LTF: variants seen among roughly 807,000 people sequenced by gnomAD.
The protein encoded by LTF is lactotransferrin, also known as epididymis luminal protein 110.
LTF carries 91 observed loss-of-function variants against 87.2 expected under a neutral mutation model. The observed-to-expected ratio is 1.04, with a 90% confidence interval of 0.88 to 1.24. The LOEUF is 1.24. Ranked by LOEUF, LTF falls within the 50% of genes most tolerant of loss-of-function variation. The pLI is 0.00. For missense variants in LTF, 901 were observed against 904.3 expected (o/e 1.00, Z 0.05); for synonymous variants, 378 against 356.1 (o/e 1.06, Z -0.69).
intron 1 of LTF, among the ~76,000 whole-genome samples, chr3:46,474,015 T>G (rs1197900884): frequency 6.6e-6 from 1 of 152,098 alleles, no homozygotes; most frequent in Non-Finnish European, 1.5e-5. Flanking sequence ...TAAAAAATGT[T>G]TAAGTAACCC....
intron 6 of LTF, among the ~76,000 whole-genome samples, chr3:46,453,336 T>G (rs959920339): frequency 6.6e-6 from 1 of 152,140 alleles, no homozygotes; most frequent in Admixed American, 6.5e-5. Flanking sequence ...CTAACTGAAG[T>G]TGTGGGGAAA....
intron 9 of LTF, 105 bp downstream of exon 9, chr3:46,448,758 C>G (rs996110132): frequency 7.2e-7 from 1 of 1,385,014 alleles, no homozygotes; most frequent in African/African-American, 1.5e-5. Flanking sequence ...CTGCCTCACC[C>G]AGGCCCCCGT....
In LTF at chr3:46,458,054, G is replaced by A. The variant is rs185250935; in HGVS notation, c.207+1602C>T. Reference sequence around the variant, plus strand: ...CTGCCTTGACCTCCCAAAGTGCTGGGATTACAGATGTGAGCCACCACGCCC... The same window carrying A: ...CTGCCTTGACCTCCCAAAGTGCTGGAATTACAGATGTGAGCCACCACGCCC... On this transcript the variant is annotated intron_variant, in intron 2 of 16. Coordinates refer to ENST00000231751, the MANE Select transcript of LTF (RefSeq NM_002343.6). Among the ~76,000 whole-genome samples, 675 of 152,222 alleles carry A rather than the reference G, an allele frequency of 4.4e-3. 2 individuals are homozygous for A. The highest frequency in any genetic ancestry group is 7.6e-3 in the Non-Finnish European group (520 of 67,998).
chr3:46,464,878 T>C lies in LTF; in HGVS notation c.-11A>G. ...GAAGACAAGTTTCATGTCTGCGGTCTGGAGGCGACTTGGCAAACGAAGGCT... is the reference window on the plus strand; with the variant it reads ...GAAGACAAGTTTCATGTCTGCGGTCCGGAGGCGACTTGGCAAACGAAGGCT... On this transcript the variant is annotated 5_prime_UTR_variant, in exon 1 of 17. Transcript: ENST00000231751. The C allele has an allele frequency of 6.2e-7, 1 of 1,613,968 alleles. No individual in the cohort carries two copies. Among genetic ancestry groups the C allele is most frequent in the African/African-American group, 1.3e-5 (1 of 75,040 alleles).
At chr3:46,475,563 CA>C (rs1703350628) in intron 1 of LTF, among the ~76,000 whole-genome samples, 6 of 150,420 alleles carry the variant, frequency 4.0e-5, no homozygotes, top group African/African-American at 7.4e-5. Context: ...CACACACACA[CA>C]CACCCTCTCT....
At chr3:46,450,385 C>G in intron 7 of LTF, 110 bp downstream of exon 7, 8 of 1,186,180 alleles carry the variant, frequency 6.7e-6, no homozygotes, top group Non-Finnish European at 9.7e-6. Context: ...AGTGTGCTAT[C>G]CTGCAGCAAA....
Position 46,449,909 on chromosome 3 carries a change from A to G in LTF, c.1002T>C (p.Asp334=). The change falls in exon 8 of 17, where the codon GAT becomes GAC. Residue 334 remains aspartate (D), a synonymous_variant. Coordinates refer to ENST00000231751, the MANE Select transcript of LTF (RefSeq NM_002343.6). The part of the protein sequence containing the change: ...IGFSRVPPRI[D]SGLYLGSGYF... ...AGCCGGAGCCAAGGTACAGCCCAGA[A>G]TCTATCCTCGGGGGCACCCTCGAAA... The G allele has an allele frequency of 6.2e-7, 1 of 1,614,164 alleles. No homozygotes were observed. The highest frequency in any genetic ancestry group is 8.5e-7 in the Non-Finnish European group (1 of 1,180,014).
chr3:46,476,065 T>C (rs1237332098), intron 1 of LTF, among the ~76,000 whole-genome samples: 1 of 152,236 alleles, frequency 6.6e-6, no homozygotes, highest in Admixed American at 6.5e-5. Flanking sequence ...AAATACAATC[T>C]ATTTTTGTAT....
intron 8 of LTF, 81 bp from the exon 9 acceptor site, chr3:46,449,098 C>T (rs1702734320): frequency 1.5e-6 from 2 of 1,333,882 alleles, no homozygotes; most frequent in Non-Finnish European, 1.0e-6. Flanking sequence ...AGGGTCCTGC[C>T]CAGACTCTCC....
intron 14 of LTF, among the ~76,000 whole-genome samples, chr3:46,440,628 A>G (rs1451530118): frequency 5.9e-5 from 9 of 152,194 alleles, no homozygotes; most frequent in Admixed American, 5.2e-4. Flanking sequence ...ATAATTTCAA[A>G]TTTACATGTC....
chr3:46,446,299 GCACC>G, intron 11 of LTF, 137 bp downstream of exon 11: 1 of 180,304 alleles, frequency 5.5e-6, no homozygotes. Flanking sequence ...TGAATTATTT[GCACC>G]CTTAAAATTA....
intron 1 of LTF, among the ~76,000 whole-genome samples, chr3:46,483,907 G>T (rs1703483656): frequency 1.3e-5 from 2 of 152,096 alleles, no homozygotes; most frequent in Non-Finnish European, 2.9e-5. Flanking sequence ...CTCCCAGAGT[G>T]CTGGGACTAT....
chr3:46,446,510 A>G lies in LTF; in HGVS notation c.1304-17T>C, dbSNP rs1206904698. ...GTTGGGATTCTGAAAGAATAAAGAC[A>G]AGCCAGACATCATTATCCATTCAGA... On this transcript the variant is annotated splice_polypyrimidine_tract_variant and intron_variant, in intron 10 of 16. Transcript: ENST00000231751. The G allele has an allele frequency of 1.2e-6, 2 of 1,611,262 alleles. No individual in the cohort carries two copies. Among genetic ancestry groups the G allele is most frequent in the African/African-American group, 2.7e-5 (2 of 74,870 alleles).
At chr3:46,449,107 C>T in intron 8 of LTF, 90 bp from the exon 9 acceptor site, 1 of 1,253,304 alleles carries the variant, frequency 8.0e-7, no homozygotes, top group Non-Finnish European at 1.1e-6. Flanking sequence ...CCCAGACTCT[C>T]CCTGGAACAG....
At chr3:46,482,659 AGAAG>A (rs1206921702) in intron 1 of LTF, among the ~76,000 whole-genome samples, 6,207 of 59,584 alleles carry the variant, frequency 0.1, 1,048 homozygotes, top group Non-Finnish European at 0.14. Context: ...AAAGAAAGAA[AGAAG>A]GAAGGAAGGA....
At chr3:46,480,699 C>A (rs188224719) in intron 1 of LTF, among the ~76,000 whole-genome samples, 31 of 152,286 alleles carry the variant, frequency 2.0e-4, no homozygotes, top group African/African-American at 7.0e-4. Context: ...GGTTTGTGTG[C>A]AGCTTTGGAC....
intron 1 of LTF, among the ~76,000 whole-genome samples, chr3:46,473,801 A>G (rs1354510320): frequency 6.6e-6 from 1 of 152,236 alleles, no homozygotes; most frequent in Non-Finnish European, 1.5e-5. Flanking sequence ...TAACATCTGC[A>G]AAGTCCCTTT....
chr3:46,449,772 T>C, intron 8 of LTF, 82 bp downstream of exon 8: 1 of 1,446,668 alleles, frequency 6.9e-7, no homozygotes, highest in Non-Finnish European at 9.5e-7. Flanking sequence ...GGAAAAGGAG[T>C]GACCGCCACA....
Position 46,472,527 on chromosome 3 carries a change from TGAGA to T in LTF, c.-319-2065_-319-2062del, listed in dbSNP as rs374266932. Among the ~76,000 whole-genome samples, 782 of 130,680 alleles carry T rather than the reference TGAGA, an allele frequency of 6.0e-3. 8 individuals carry two copies. Among genetic ancestry groups the T allele is most frequent in the African/African-American group, 0.015 (488 of 32,900 alleles). 85.7% of individuals were successfully genotyped at this position (130,680 alleles called of 152,430 possible). On this transcript the variant is annotated intron_variant, in intron 1 of 19. Coordinates refer to the LTF transcript ENST00000443496. ...GTGTGTGTGTGTGTGTGTGTGTGTG[TGAGA>T]GAGAGAGAGAGAGAGAGAGAGAGAA...
Sources: allele counts gnomAD v4.1 joint callset (sites outside exome capture counted in the v4.1 genomes callset), GRCh38; gene constraint gnomAD v4.1.1; transcripts MANE v1.5; gene names NCBI Gene and HGNC (gene_info 2026-07-23, HGNC 2026-07-21).